The following MECOM variants were observed in gnomAD, a reference collection of about 807,000 sequenced individuals.
MECOM encodes the protein MDS1 and EVI1 complex locus.
In MECOM, 13 loss-of-function variants were observed where a neutral mutation model predicts 116.3. That is an observed-to-expected ratio of 0.11 (90% CI 0.07 to 0.18). The LOEUF is 0.18. Among genes scored for constraint, MECOM ranks in the 10% least tolerant of loss-of-function variants. MECOM has a pLI of 1.00. For missense variants in MECOM, 1,299 were observed against 1,509.0 expected (o/e 0.86, Z 2.31); for synonymous variants, 528 against 535.2 (o/e 0.99, Z 0.19).
intron 1 of MECOM, among the ~76,000 whole-genome samples, chr3:169,545,428 G>A (rs941223833): frequency 7.9e-5 from 12 of 152,156 alleles, no homozygotes; most frequent in African/African-American, 2.6e-4. Flanking sequence ...AAGGTAAGAG[G>A]GAAATCTTGG....
chr3:169,415,370 G>A (rs1055468795), intron 1 of MECOM, among the ~76,000 whole-genome samples: 89 of 152,128 alleles, frequency 5.9e-4, no homozygotes, highest in African/African-American at 1.7e-3. Context: ...CCTTACAAGC[G>A]CTCCTGAAGG....
At chr3:169,173,799 C>T (rs1195216859) in intron 2 of MECOM, among the ~76,000 whole-genome samples, 2 of 152,190 alleles carry the variant, frequency 1.3e-5, no homozygotes, top group Admixed American at 6.5e-5. Flanking sequence ...GAATGACTAT[C>T]TGTATGTGAC....
intron 2 of MECOM, among the ~76,000 whole-genome samples, chr3:169,354,795 T>C (rs1726976185): frequency 6.6e-6 from 1 of 151,736 alleles, no homozygotes; most frequent in Non-Finnish European, 1.5e-5. Flanking sequence ...TTCCCCCCCT[T>C]CCTGAGCTGG....
At chr3:169,315,648 A>G (rs1487674811) in intron 2 of MECOM, among the ~76,000 whole-genome samples, 2 of 152,178 alleles carry the variant, frequency 1.3e-5, no homozygotes, top group Non-Finnish European at 2.9e-5. Flanking sequence ...CTCCAGCCTC[A>G]ATAGTAATCA....
At chr3:169,114,993 C>T (rs1226038905) in intron 8 of MECOM, among the ~76,000 whole-genome samples, 2 of 152,110 alleles carry the variant, frequency 1.3e-5, no homozygotes, top group Admixed American at 1.3e-4. Flanking sequence ...TAGATATCCC[C>T]CCCATTCCAA....
chr3:169,519,964 G>A (rs1020357167), intron 1 of MECOM, among the ~76,000 whole-genome samples: 5 of 152,206 alleles, frequency 3.3e-5, no homozygotes, highest in Non-Finnish European at 7.3e-5. Context: ...TTCATCCCTT[G>A]ACCACAGCAA....
At chr3:169,229,668 CT>C (rs1315018501) in intron 2 of MECOM, among the ~76,000 whole-genome samples, 1 of 152,096 alleles carries the variant, frequency 6.6e-6, no homozygotes, top group African/African-American at 2.4e-5. Flanking sequence ...CCCAAAGTAT[CT>C]GAGTGGCTTG....
intron 1 of MECOM, among the ~76,000 whole-genome samples, chr3:169,662,940 C>T (rs997544645): frequency 6.6e-6 from 1 of 151,878 alleles, no homozygotes; most frequent in African/African-American, 2.4e-5. Flanking sequence ...GGCAACTCTC[C>T]CCCGCCTGGG....
intron 1 of MECOM, among the ~76,000 whole-genome samples, chr3:169,635,763 C>A (rs1431458552): frequency 6.6e-6 from 1 of 152,174 alleles, no homozygotes. Context: ...TCTAAATAAT[C>A]TAGAGTATAA....
chr3:169,345,875 T>G (rs76464511), intron 2 of MECOM, among the ~76,000 whole-genome samples: 7 of 152,212 alleles, frequency 4.6e-5, no homozygotes, highest in African/African-American at 1.7e-4. Flanking sequence ...TGCATACACC[T>G]CTGTGCTATC....
At chr3:169,337,844 G>A (rs1224519145) in intron 2 of MECOM, among the ~76,000 whole-genome samples, 1 of 152,102 alleles carries the variant, frequency 6.6e-6, no homozygotes, top group Non-Finnish European at 1.5e-5. Context: ...TTCACATGGT[G>A]ACTAATGTTT....
intron 1 of MECOM, among the ~76,000 whole-genome samples, chr3:169,449,941 T>C (rs1054133336): frequency 6.6e-6 from 1 of 152,194 alleles, no homozygotes; most frequent in Non-Finnish European, 1.5e-5. Context: ...GTTTTACTTT[T>C]CCTTATTCTC....
chr3:169,414,133 G>A (rs1248635447), intron 1 of MECOM, among the ~76,000 whole-genome samples: 2 of 152,146 alleles, frequency 1.3e-5, no homozygotes, highest in African/African-American at 2.4e-5. Context: ...ACTCATAAAG[G>A]ACAGCTCCGG....
At chr3:169,327,772 A>G (rs564351779) in intron 2 of MECOM, among the ~76,000 whole-genome samples, 5 of 152,260 alleles carry the variant, frequency 3.3e-5, no homozygotes, top group Admixed American at 6.5e-5. Context: ...TACACACTCT[A>G]TCATTACTGA....
At chr3:169,119,288 G>T (rs553432067) in intron 7 of MECOM, among the ~76,000 whole-genome samples, 26 of 152,230 alleles carry the variant, frequency 1.7e-4, no homozygotes, top group Non-Finnish European at 4.4e-5. Context: ...ACCATTTCCT[G>T]ATCTTTAATC....
chr3:169,489,515 A>C (rs1317603443), intron 1 of MECOM, among the ~76,000 whole-genome samples: 1 of 152,180 alleles, frequency 6.6e-6, no homozygotes, highest in African/African-American at 2.4e-5. Context: ...CAATTTTAAA[A>C]AAGTGTTTGT....
At chr3:169,382,300 G>A (rs1286002284) in intron 1 of MECOM, among the ~76,000 whole-genome samples, 1 of 152,094 alleles carries the variant, frequency 6.6e-6, no homozygotes, top group Admixed American at 6.6e-5. Flanking sequence ...GATCAGAAAC[G>A]CTTTGTATGG....
chr3:169,442,698 A>G (rs1049536347), intron 1 of MECOM, among the ~76,000 whole-genome samples: 1 of 152,230 alleles, frequency 6.6e-6, no homozygotes, highest in Non-Finnish European at 1.5e-5. Flanking sequence ...GAGTTTTCTA[A>G]AAGTGAGGCT....
At chr3:169,483,202 A>ATTTTTTT (rs200735642) in intron 1 of MECOM, among the ~76,000 whole-genome samples, 2 of 102,982 alleles carry the variant, frequency 1.9e-5, no homozygotes, top group South Asian at 3.0e-4. Flanking sequence ...TTTTATTTTT[A>ATTTTTTT]TTTTTTTTTT....
Sources: gnomAD v4.1 joint callset for allele counts (sites outside exome capture counted in the v4.1 genomes callset) on GRCh38, gnomAD v4.1.1 for gene constraint, MANE v1.5 for transcripts, NCBI Gene and HGNC (gene_info 2026-07-23, HGNC 2026-07-21) for gene names.